The following SPIRE2 variants were observed in gnomAD, a reference collection of about 807,000 sequenced individuals.
SPIRE2 encodes the protein spire type actin nucleation factor 2.
Under a neutral mutation model 80.7 loss-of-function variants are expected in SPIRE2, and 76 were observed. The ratio of observed to expected loss-of-function variants is 0.94; its 90% confidence interval spans 0.78 to 1.14. The LOEUF (loss-of-function observed/expected upper bound fraction) is 1.14. Among genes scored for constraint, SPIRE2 ranks in the 50% most tolerant of loss-of-function variants. SPIRE2 has a pLI of 0.00. For missense variants in SPIRE2, 1,196 were observed against 1,015.3 expected (o/e 1.18, Z -2.42); for synonymous variants, 535 against 432.6 (o/e 1.24, Z -2.94).
Position 89,863,986 on chromosome 16 carries a change from C to A in SPIRE2, c.1778+125C>A, listed in dbSNP as rs1387060882. On this transcript the variant is annotated intron_variant, in intron 12 of 14. Transcript: ENST00000378247. This position sits in a 1 kb window ranked among gnomAD's most constrained non-coding sequence, Gnocchi z 4.3. ...CTAGCATGTTCGATGGCTGATGAGT[C>A]CACAAGATATGGTTAGTACGAATGA... is the stretch of plus-strand genomic sequence containing the variant. The A allele has an allele frequency of 1.0e-5, 7 of 672,244 alleles. No individual in the cohort carries two copies. The highest frequency in any genetic ancestry group is 2.8e-5 in the Admixed American group (1 of 36,248). The allele number at this position is 672,244 out of a possible 1,614,324, so 41.6% of individuals were successfully genotyped here.
In SPIRE2 at chr16:89,850,696, G is replaced by C. The variant is rs932810219; in HGVS notation, c.645+36G>C. 5.8e-6 allele frequency: 8 copies of C among 1,372,058 alleles called. No homozygotes were observed. In the South Asian group the frequency reaches 9.0e-5, roughly 15 times the overall value. The allele number at this position is 1,372,058 out of a possible 1,614,324, so 85.0% of individuals were successfully genotyped here. On this transcript the variant is annotated intron_variant, in intron 3 of 14. Transcript: ENST00000378247. ...GGTGGGGGCGACCGTGGAGGGTCCG[G>C]GAGGCCAGGGAGGGGAGCAGTGGGT... is the stretch of plus-strand genomic sequence containing the variant.
At chr16:89,854,400 C>G (rs528678783) in intron 4 of SPIRE2, 34 bp downstream of exon 4, 1 of 1,610,570 alleles carries the variant, frequency 6.2e-7, no homozygotes, top group Non-Finnish European at 8.5e-7. Flanking sequence ...GGGCCACTGA[C>G]GCGGCCCAGC....
In SPIRE2 at chr16:89,850,449, C is replaced by T. The variant is rs1197795476; in HGVS notation, c.434C>T (p.Ala145Val). The T allele has an allele frequency of 1.9e-6, 3 of 1,569,548 alleles. No individual in the cohort carries two copies. Among genetic ancestry groups the T allele is most frequent in the Non-Finnish European group, 2.6e-6 (3 of 1,159,596 alleles). ...NDSEDSGCGAADEGYGGPEEE... is the reference protein window; with the variant it reads ...NDSEDSGCGAVDEGYGGPEEE... ...AGCGAGGACAGCGGCTGCGGTGCCG[C>T]CGATGAGGGCTACGGGGGTCCCGAG... The change falls in exon 3 of 15, where the codon GCC becomes GTC. Residue 145 changes from alanine (A) to valine (V), a missense_variant. Coordinates refer to ENST00000378247, the MANE Select transcript of SPIRE2 (RefSeq NM_032451.2).
intron 1 of SPIRE2, among the ~76,000 whole-genome samples, chr16:89,844,391 G>C (rs1490113162): frequency 2.6e-5 from 4 of 151,100 alleles, no homozygotes; most frequent in African/African-American, 9.7e-5. Context: ...GGTCAGGCTG[G>C]TCTTGAACTG....
intron 1 of SPIRE2, among the ~76,000 whole-genome samples, chr16:89,840,093 C>T (rs1297335965): frequency 2.0e-5 from 3 of 152,120 alleles, no homozygotes; most frequent in Non-Finnish European, 2.9e-5. Context: ...TAGGCTGACG[C>T]TCCCAAGCAG....
At position 89,850,319 on chromosome 16, in the gene SPIRE2, G is replaced by A. The variant is rs1349903788; in HGVS notation, c.304G>A (p.Gly102Ser). ...TGTCCCGCAGACCGTGCAGTCCCTC[G>A]GCTTCGCCATCTACCGCGCGCTGGA... ...SSEAQTVQSL[G>S]FAIYRALDWG... is the part of the protein sequence containing the mutation. Residue 102 changes from glycine to serine, a missense_variant, in exon 3 of 15, where the codon GGC (glycine) becomes AGC (serine). Gly to Ser is a moderately conservative substitution (Grantham distance 56). Coordinates refer to ENST00000378247, the MANE Select transcript of SPIRE2 (RefSeq NM_032451.2). 7.5e-6 allele frequency: 12 copies of A among 1,603,128 alleles called. No homozygotes were observed. The highest frequency in any genetic ancestry group is 1.0e-5 in the Non-Finnish European group (12 of 1,177,376).
intron 2 of SPIRE2, 173 bp from the exon 3 acceptor site, chr16:89,850,131 C>A: frequency 2.8e-6 from 2 of 723,034 alleles, no homozygotes; most frequent in Non-Finnish European, 4.9e-6. Flanking sequence ...CCACCGCGCC[C>A]GGCCGGGAAC....
intron 1 of SPIRE2, among the ~76,000 whole-genome samples, chr16:89,837,131 G>C (rs1007936018): frequency 1.3e-5 from 2 of 152,182 alleles, no homozygotes; most frequent in African/African-American, 2.4e-5. Flanking sequence ...CCTCGAGCAG[G>C]ACTCGAGGCT....
Position 89,828,501 on chromosome 16 carries a change from C to T in SPIRE2, c.-50C>T, listed in dbSNP as rs1567666295. 1.0e-6 allele frequency: 1 copy of T among 1,003,642 alleles called. No individual in the cohort carries two copies. Among genetic ancestry groups the T allele is most frequent in the Non-Finnish European group, 1.2e-6 (1 of 843,582 alleles). The allele number at this position is 1,003,642 out of a possible 1,614,324, so 62.2% of individuals were successfully genotyped here. On this transcript the variant is annotated 5_prime_UTR_variant, in exon 1 of 15. Transcript: ENST00000378247. The surrounding 1 kb of genome is among the most constrained non-coding windows in gnomAD (Gnocchi z 5.9). Reference sequence around the variant, plus strand: ...GGCTGACCCTGCGCGGCGGAAGGCGCGGCTGCATGGACGCGGGTCCGGCGC... The same window carrying T: ...GGCTGACCCTGCGCGGCGGAAGGCGTGGCTGCATGGACGCGGGTCCGGCGC...
chr16:89,838,813 G>A (rs949843446), intron 1 of SPIRE2, among the ~76,000 whole-genome samples: 3 of 152,142 alleles, frequency 2.0e-5, no homozygotes, highest in African/African-American at 7.2e-5. Context: ...GCACTCAGGG[G>A]CTCCCCTCTC....
At chr16:89,850,824 G>GTT (rs757360310) in intron 3 of SPIRE2, among the ~76,000 whole-genome samples, 164 bp downstream of exon 3, 8,968 of 151,512 alleles carry the variant, frequency 0.059, 410 homozygotes, top group East Asian at 0.22. Context: ...ACGCTTTCTT[G>GTT]TTGTTTTTTT....
intron 1 of SPIRE2, among the ~76,000 whole-genome samples, chr16:89,840,358 T>G (rs1417092886): frequency 6.7e-6 from 1 of 148,808 alleles, no homozygotes; most frequent in African/African-American, 2.5e-5. Flanking sequence ...CACATCATTC[T>G]CCTGTCTCAG....
At position 89,863,331 on chromosome 16, in the gene SPIRE2, T is replaced by C. The variant is rs1165854140; in HGVS notation, c.1576-145T>C. On this transcript the variant is annotated intron_variant, in intron 10 of 14. Transcript: ENST00000378247. This position sits in a 1 kb window ranked among gnomAD's most constrained non-coding sequence, Gnocchi z 4.3. ...CAAAGACATGGGGATGGATGGCTGA[T>C]GGACAAGATGGCTGATGGACAGCGT... is the stretch of plus-strand genomic sequence containing the variant. 2.0e-5 allele frequency: 17 copies of C among 843,934 alleles called. No homozygotes were observed. The highest frequency in any genetic ancestry group is 3.1e-5 in the Non-Finnish European group (17 of 554,544). 52.3% of individuals were successfully genotyped at this position (843,934 alleles called of 1,614,324 possible).
At chr16:89,845,542 G>T in intron 2 of SPIRE2, 177 bp downstream of exon 2, 1 of 736,742 alleles carries the variant, frequency 1.4e-6, no homozygotes, top group Non-Finnish European at 2.4e-6. Flanking sequence ...ACAGAGAGCA[G>T]ACGTGGAGGA....
At chr16:89,834,952 G>A (rs562817253) in intron 1 of SPIRE2, among the ~76,000 whole-genome samples, 1,529 of 133,290 alleles carry the variant, frequency 0.011, 11 homozygotes, top group Middle Eastern at 0.027. Context: ...CCGCACTCGC[G>A]GCTGGCCGTC....
intron 6 of SPIRE2, 142 bp downstream of exon 6, chr16:89,855,828 C>A: frequency 1.1e-6 from 1 of 938,544 alleles, no homozygotes; most frequent in Non-Finnish European, 1.6e-6. Flanking sequence ...GTGAGGCGGG[C>A]TGGCTTCCTC....
chr16:89,833,543 G>A (rs1298609648), intron 1 of SPIRE2, among the ~76,000 whole-genome samples: 1 of 152,254 alleles, frequency 6.6e-6, no homozygotes, highest in African/African-American at 2.4e-5. Flanking sequence ...GCCCTGCTGG[G>A]CTCAGGGGCA....
chr16:89,843,920 C>T, intron 1 of SPIRE2, among the ~76,000 whole-genome samples: 1 of 145,580 alleles, frequency 6.9e-6, no homozygotes, highest in African/African-American at 2.6e-5. Flanking sequence ...AGGCTGGTCT[C>T]AAACTCCTAA....
At chr16:89,840,972 G>GT (rs1003097843) in intron 1 of SPIRE2, among the ~76,000 whole-genome samples, 1 of 151,898 alleles carries the variant, frequency 6.6e-6, no homozygotes, top group African/African-American at 2.4e-5. Flanking sequence ...ACACAGGATT[G>GT]TTTCAAAGAA....
Sources: gnomAD v4.1 joint callset for allele counts (sites outside exome capture counted in the v4.1 genomes callset) on GRCh38, gnomAD v4.1.1 for gene constraint, Gnocchi (gnomAD v3.1) non-coding constraint, MANE v1.5 for transcripts, NCBI Gene and HGNC (gene_info 2026-07-23, HGNC 2026-07-21) for gene names.